CADPS2: variants seen among roughly 807,000 people sequenced by gnomAD.
The protein encoded by CADPS2 is calcium-dependent secretion activator 2.
CADPS2 carries 93 observed loss-of-function variants against 172.5 expected under a neutral mutation model. The ratio of observed to expected loss-of-function variants is 0.54; its 90% confidence interval spans 0.46 to 0.64. CADPS2 has a LOEUF of 0.64. Ranked by LOEUF, CADPS2 falls within the 30% of genes least tolerant of loss-of-function variation. The probability of loss-of-function intolerance (pLI) is 0.00; values close to 1 mark genes in which losing one functional copy is unlikely to be tolerated. For synonymous variants in CADPS2, 546 were observed against 555.2 expected, an observed-to-expected ratio of 0.98 and a Z score of 0.23; for missense variants, 1,420 against 1,565.9, an observed-to-expected ratio of 0.91 and a Z score of 1.57.
At chr7:122,562,006 A>T (rs574120552) in intron 7 of CADPS2, among the ~76,000 whole-genome samples, 120 of 152,270 alleles carry the variant, frequency 7.9e-4, no homozygotes, top group Non-Finnish European at 1.2e-3. Flanking sequence ...AAAGAGAAAA[A>T]GTCTTGATAA....
Position 122,471,485 on chromosome 7 carries a change from A to T in CADPS2, c.2076T>A (p.His692Gln). ...ARYGVRGCHR[H>Q]LCYLAELMEH... ...CCATCAGTTCTGCAAGGTAGCAGAG[A>T]TGTCTGTGACAGCCTCTCACACCAT... Residue 692 changes from histidine (H) to glutamine (Q), a missense_variant, in exon 14 of 30, where the codon CAT (histidine) becomes CAA (glutamine). His to Gln is a conservative substitution (Grantham distance 24, BLOSUM62 0). Transcript: ENST00000449022. 6.2e-7 allele frequency: 1 copy of T among 1,613,160 alleles called. No individual in the cohort carries two copies.
chr7:122,859,612 C>T (rs570425924), intron 1 of CADPS2, among the ~76,000 whole-genome samples: 2 of 152,048 alleles, frequency 1.3e-5, no homozygotes, highest in Non-Finnish European at 2.9e-5. Flanking sequence ...CATATGACTA[C>T]ACTATTATAG....
chr7:122,750,544 T>A (rs2092908367), intron 1 of CADPS2, among the ~76,000 whole-genome samples: 1 of 152,128 alleles, frequency 6.6e-6, no homozygotes. Context: ...CTGGCTCCAG[T>A]CAGCTCCAAT....
intron 8 of CADPS2, among the ~76,000 whole-genome samples, chr7:122,530,971 T>C (rs2061703190): frequency 6.6e-6 from 1 of 152,086 alleles, no homozygotes; most frequent in Non-Finnish European, 1.5e-5. Context: ...CCATCCCTGG[T>C]GGGCGTAAGA....
chr7:122,465,116 AAAAG>A (rs1206113005), intron 14 of CADPS2, among the ~76,000 whole-genome samples: 1 of 152,190 alleles, frequency 6.6e-6, no homozygotes, highest in Non-Finnish European at 1.5e-5. Context: ...TTAAGAGAAA[AAAAG>A]AGAGAGAAGG....
chr7:122,769,772 A>G (rs1348114650), intron 1 of CADPS2, among the ~76,000 whole-genome samples: 1 of 152,164 alleles, frequency 6.6e-6, no homozygotes, highest in Admixed American at 6.5e-5. Flanking sequence ...ACAGGTTTGA[A>G]CCTACCAATT....
At chr7:122,521,779 T>C (rs1229023483) in intron 8 of CADPS2, among the ~76,000 whole-genome samples, 2 of 152,094 alleles carry the variant, frequency 1.3e-5, no homozygotes, top group East Asian at 1.9e-4. Context: ...AGCAAATGCA[T>C]AAAACATAGA....
chr7:122,880,863 A>C (rs913925911), intron 1 of CADPS2, among the ~76,000 whole-genome samples: 2 of 152,174 alleles, frequency 1.3e-5, no homozygotes, highest in Non-Finnish European at 2.9e-5. Flanking sequence ...TGCTCTTCAA[A>C]CCCTAGAAAA....
At chr7:122,822,816 C>T (rs1011338495) in intron 1 of CADPS2, among the ~76,000 whole-genome samples, 5 of 151,838 alleles carry the variant, frequency 3.3e-5, no homozygotes, top group African/African-American at 1.2e-4. Flanking sequence ...CTCCTGCCCG[C>T]CAGAGAACCC....
rs927489337 is a variant in CADPS2 at position 122,775,248 on chromosome 7, C to T, written c.340-38180G>A. On this transcript the variant is annotated intron_variant, in intron 1 of 29. Transcript: ENST00000449022. ...TAAGACTAAAGTCTTAGACTATTTG[C>T]AAGATAACAAATTAGTCTGCCATAG... 4.6e-5 allele frequency among the ~76,000 whole-genome samples: 7 copies of T among 152,264 alleles called. No homozygotes were observed. In the East Asian group the frequency reaches 1.4e-3, roughly 29 times the overall value.
chr7:122,659,777 C>T (rs530895823), intron 3 of CADPS2, among the ~76,000 whole-genome samples: 17 of 152,076 alleles, frequency 1.1e-4, no homozygotes, highest in Admixed American at 5.2e-4. Context: ...TAACACCTTA[C>T]CTCTAAAGAG....
chr7:122,344,070 A>G (rs1257836369), intron 28 of CADPS2, among the ~76,000 whole-genome samples: 3 of 152,206 alleles, frequency 2.0e-5, no homozygotes, highest in African/African-American at 7.2e-5. Context: ...GATAAAATTC[A>G]TTTTGACCAC....
intron 8 of CADPS2, among the ~76,000 whole-genome samples, chr7:122,530,331 T>TTC (rs2061649882): frequency 6.6e-6 from 1 of 150,942 alleles, no homozygotes; most frequent in Non-Finnish European, 1.5e-5. Context: ...TTTTTTTTTT[T>TTC]CCCACTAGCT....
At chr7:122,362,564 C>T (rs748456161) in intron 25 of CADPS2, among the ~76,000 whole-genome samples, 2 of 152,248 alleles carry the variant, frequency 1.3e-5, no homozygotes, top group African/African-American at 2.4e-5. Flanking sequence ...GCATGAAAAT[C>T]GATGAATAAG....
chr7:122,415,068 A>G (rs184166190), intron 18 of CADPS2, among the ~76,000 whole-genome samples: 3 of 152,340 alleles, frequency 2.0e-5, no homozygotes, highest in Admixed American at 2.0e-4. Flanking sequence ...TCTCAGAATG[A>G]GCAGTTTGCT....
At chr7:122,665,782 G>T (rs1238992522) in intron 2 of CADPS2, among the ~76,000 whole-genome samples, 1 of 152,198 alleles carries the variant, frequency 6.6e-6, no homozygotes, top group Non-Finnish European at 1.5e-5. Flanking sequence ...CTCTGCATGT[G>T]TAACACATTC....
At chr7:122,438,307 C>T (rs758340468) in intron 17 of CADPS2, 34 bp downstream of exon 17, 8 of 1,611,444 alleles carry the variant, frequency 5.0e-6, no homozygotes, top group South Asian at 4.4e-5. Flanking sequence ...TGTTGGCTCT[C>T]ACTGCCACTT....
At chr7:122,603,034 C>T (rs10282152) in intron 6 of CADPS2, among the ~76,000 whole-genome samples, 53,829 of 151,798 alleles carry the variant, frequency 0.35, 11,088 homozygotes, top group African/African-American at 0.56. Flanking sequence ...GATCCTTTGA[C>T]GGCTACACTT....
At chr7:122,440,054 G>A (rs888297623) in intron 16 of CADPS2, 3 of 152,110 alleles carry the variant, frequency 2.0e-5, no homozygotes, top group Non-Finnish European at 4.4e-5. Flanking sequence ...AGGTATCATA[G>A]GTTTCAAGAA....
Sources: allele counts gnomAD v4.1 joint callset (sites outside exome capture counted in the v4.1 genomes callset), GRCh38; gene constraint gnomAD v4.1.1; transcripts MANE v1.5; gene names NCBI Gene and HGNC (gene_info 2026-07-23, HGNC 2026-07-21).